Variants in FAM227B observed in about 807,000 individuals in gnomAD.
FAM227B encodes protein FAM227B.
FAM227B carries 88 observed loss-of-function variants against 73.8 expected under a neutral mutation model. The observed-to-expected ratio is 1.19, with a 90% confidence interval of 1.00 to 1.42. The LOEUF is 1.42. FAM227B is among the 40% of genes most tolerant of loss of function. The pLI is 0.00. For missense variants in FAM227B, 632 were observed against 590.9 expected, an observed-to-expected ratio of 1.07 and a Z score of -0.72; for synonymous variants, 210 against 190.5, an observed-to-expected ratio of 1.10 and a Z score of -0.84.
chr15:49,529,754 T>C (rs1327333802), intron 10 of FAM227B, among the ~76,000 whole-genome samples: 2 of 151,708 alleles, frequency 1.3e-5, no homozygotes, highest in Non-Finnish European at 3.0e-5. Flanking sequence ...TCTACTCTTT[T>C]TCCTTCCCAG....
intron 8 of FAM227B, 187 bp downstream of exon 8, chr15:49,574,824 A>T (rs866096649): frequency 5.7e-6 from 2 of 353,786 alleles, no homozygotes; most frequent in South Asian, 1.7e-4. Context: ...TTTGAAATCT[A>T]TATTAAAGTT....
intron 9 of FAM227B, among the ~76,000 whole-genome samples, chr15:49,544,532 T>A (rs1164836221): frequency 2.0e-5 from 3 of 152,146 alleles, no homozygotes; most frequent in African/African-American, 7.2e-5. Flanking sequence ...TGGCTAGGAC[T>A]GCCAGTATGT....
chr15:49,512,856 G>A (rs947536990), intron 10 of FAM227B, among the ~76,000 whole-genome samples: 1 of 152,072 alleles, frequency 6.6e-6, no homozygotes, highest in Non-Finnish European at 1.5e-5. Context: ...GAGTTGCTTG[G>A]TTTTCTATTC....
intron 14 of FAM227B, 148 bp from the exon 15 acceptor site, chr15:49,331,997 G>T (rs1370173989): frequency 8.1e-6 from 5 of 613,984 alleles, no homozygotes; most frequent in African/African-American, 1.9e-5. Flanking sequence ...TAAAACTTCT[G>T]AAGTAGGTAC....
At chr15:49,593,395 AT>A (rs149649797) in intron 3 of FAM227B, among the ~76,000 whole-genome samples, 2 of 151,750 alleles carry the variant, frequency 1.3e-5, no homozygotes, top group African/African-American at 2.4e-5. Flanking sequence ...TATTTTAAAA[AT>A]TTTTTTTGCT....
chr15:49,580,032 G>A (rs1047916874), intron 5 of FAM227B, among the ~76,000 whole-genome samples: 5 of 152,108 alleles, frequency 3.3e-5, no homozygotes, highest in African/African-American at 4.8e-5. Flanking sequence ...CAGAGTTGCA[G>A]TAACAAAAAA....
intron 11 of FAM227B, among the ~76,000 whole-genome samples, chr15:49,410,595 T>A (rs1036299822): frequency 2.0e-5 from 3 of 152,068 alleles, no homozygotes; most frequent in Admixed American, 1.3e-4. Flanking sequence ...GTTTAAAAAA[T>A]TTGTCATTTT....
chr15:49,519,860 A>C (rs773296083), intron 10 of FAM227B, among the ~76,000 whole-genome samples: 7 of 152,218 alleles, frequency 4.6e-5, no homozygotes, highest in Admixed American at 3.3e-4. Context: ...TTCTCCTCAG[A>C]AAATGGGCTT....
intron 11 of FAM227B, among the ~76,000 whole-genome samples, chr15:49,457,496 G>C (rs1014855795): frequency 6.6e-6 from 1 of 151,910 alleles, no homozygotes; most frequent in Non-Finnish European, 1.5e-5. Context: ...AAATACTTGA[G>C]TCACTTTTTC....
chr15:49,453,270 A>C (rs1178730424), intron 11 of FAM227B, among the ~76,000 whole-genome samples: 1 of 151,976 alleles, frequency 6.6e-6, no homozygotes, highest in African/African-American at 2.4e-5. Flanking sequence ...TATTTTCATT[A>C]TTATTATTTT....
intron 11 of FAM227B, among the ~76,000 whole-genome samples, chr15:49,392,153 G>C (rs2047253148): frequency 6.6e-6 from 1 of 152,110 alleles, no homozygotes; most frequent in Non-Finnish European, 1.5e-5. Context: ...AATTTAATAT[G>C]AGATAAAGGG....
chr15:49,368,980 TA>T (rs1327612476), intron 12 of FAM227B, among the ~76,000 whole-genome samples: 1 of 152,186 alleles, frequency 6.6e-6, no homozygotes, highest in Admixed American at 6.5e-5. Flanking sequence ...TGTTTGTTTT[TA>T]TTTTTTTGAG....
At chr15:49,329,621 G>A in intron 15 of FAM227B, 1 of 984,828 alleles carries the variant, frequency 1.0e-6, no homozygotes, top group Non-Finnish European at 1.2e-6. Context: ...TTCATTCTTA[G>A]CAGAAAGGTA....
intron 11 of FAM227B, among the ~76,000 whole-genome samples, chr15:49,451,726 C>T (rs890846284): frequency 1.3e-5 from 2 of 151,994 alleles, no homozygotes; most frequent in Admixed American, 6.6e-5. Flanking sequence ...AAATTTGAAG[C>T]CTTTATTGGG....
intron 10 of FAM227B, among the ~76,000 whole-genome samples, chr15:49,540,071 C>G (rs967893): frequency 0.7 from 106,084 of 151,162 alleles, 37,481 homozygotes; most frequent in East Asian, 0.92. Context: ...GCACAGCAGT[C>G]TCTCTCTCTC....
chr15:49,355,004 C>G (rs544513663), intron 13 of FAM227B, among the ~76,000 whole-genome samples: 1 of 151,074 alleles, frequency 6.6e-6, no homozygotes, highest in South Asian at 2.1e-4. Flanking sequence ...CGGCAGGGTA[C>G]TCCAACAGAC....
At chr15:49,455,279 A>G (rs1385877391) in intron 11 of FAM227B, among the ~76,000 whole-genome samples, 3 of 152,132 alleles carry the variant, frequency 2.0e-5, no homozygotes, top group Non-Finnish European at 4.4e-5. Context: ...GGTATCCCTA[A>G]TGTATAGCGC....
In FAM227B at chr15:49,371,380, T is replaced by C. The variant is rs1596646933; in HGVS notation, c.1032A>G (p.Ile344Met). Residue 344 changes from isoleucine (I) to methionine (M), a missense_variant, in exon 12 of 16, where the codon ATA becomes ATG. Physicochemically the swap from Ile to Met is conservative, Grantham distance 10. Transcript: ENST00000299338. ...HISTSIDFNI[I>M]KILNNPRAYT... Reference sequence around the variant, plus strand: ...ATGCTCTTGGGTTGTTCAGAATCTTTATAATATTGAAGTCGATACCTAAAA... The same window carrying C: ...ATGCTCTTGGGTTGTTCAGAATCTTCATAATATTGAAGTCGATACCTAAAA... The C allele has an allele frequency of 6.4e-7, 1 of 1,573,726 alleles. No homozygotes were observed. Among genetic ancestry groups the C allele is most frequent in the Non-Finnish European group, 8.7e-7 (1 of 1,155,648 alleles).
At chr15:49,370,199 C>A (rs2045717698) in intron 12 of FAM227B, among the ~76,000 whole-genome samples, 1 of 152,172 alleles carries the variant, frequency 6.6e-6, no homozygotes, top group Non-Finnish European at 1.5e-5. Context: ...CTGACTAGTA[C>A]AATGGGACAG....
Sources: gnomAD v4.1 joint callset for allele counts (sites outside exome capture counted in the v4.1 genomes callset) on GRCh38, gnomAD v4.1.1 for gene constraint, MANE v1.5 for transcripts, NCBI Gene and HGNC (gene_info 2026-07-23, HGNC 2026-07-21) for gene names.